ULK4: variants seen among roughly 807,000 people sequenced by gnomAD.
The protein encoded by ULK4 is inactive serine/threonine-protein kinase ULK4.
A neutral mutation model predicts 160.6 loss-of-function variants in ULK4; 133 were observed. That is an observed-to-expected ratio of 0.83 (90% CI 0.72 to 0.96). The LOEUF is 0.96. ULK4 is among the 40% of genes least tolerant of loss of function. ULK4 has a pLI of 0.00. For missense variants in ULK4, 1,580 were observed against 1,499.5 expected, an observed-to-expected ratio of 1.05 and a Z score of -0.89; for synonymous variants, 534 against 539.8, an observed-to-expected ratio of 0.99 and a Z score of 0.15.
intron 35 of ULK4, among the ~76,000 whole-genome samples, chr3:41,330,999 C>T (rs2080430839): frequency 6.6e-6 from 1 of 152,184 alleles, no homozygotes; most frequent in African/African-American, 2.4e-5. Flanking sequence ...AACACATACA[C>T]ACCTCCTGAA....
chr3:41,497,655 G>A (rs189111113), intron 32 of ULK4, among the ~76,000 whole-genome samples: 4 of 152,030 alleles, frequency 2.6e-5, no homozygotes, highest in African/African-American at 9.7e-5. Context: ...ATTCCATATT[G>A]ATGATATAAG....
chr3:41,312,616 G>A (rs563062581), intron 35 of ULK4, among the ~76,000 whole-genome samples: 9 of 151,938 alleles, frequency 5.9e-5, no homozygotes, highest in Admixed American at 2.0e-4. Context: ...GCAACACAGG[G>A]AGACCTCATC....
At chr3:41,951,398 GAAAAA>G (rs77303040) in intron 2 of ULK4, among the ~76,000 whole-genome samples, 1,317 of 91,748 alleles carry the variant, frequency 0.014, 22 homozygotes, top group African/African-American at 0.051. Context: ...AATCTTAAAA[GAAAAA>G]AAAAAAAAAG....
chr3:41,787,494 C>G (rs1201952754), intron 21 of ULK4, among the ~76,000 whole-genome samples: 1 of 152,132 alleles, frequency 6.6e-6, no homozygotes, highest in Non-Finnish European at 1.5e-5. Context: ...CCATCCCAAC[C>G]CAGCAACATC....
chr3:41,943,877 C>T (rs142364697), intron 2 of ULK4, among the ~76,000 whole-genome samples: 42 of 152,270 alleles, frequency 2.8e-4, no homozygotes, highest in African/African-American at 1.0e-3. Context: ...GCTAATAGAC[C>T]ATTTCCATCA....
chr3:41,363,271 C>G (rs1005236116), intron 35 of ULK4, among the ~76,000 whole-genome samples: 2 of 152,232 alleles, frequency 1.3e-5, no homozygotes, highest in Non-Finnish European at 2.9e-5. Flanking sequence ...AGGGAAGGGA[C>G]AGGGAAGGGT....
intron 31 of ULK4, among the ~76,000 whole-genome samples, chr3:41,587,462 A>G (rs2030910127): frequency 6.6e-6 from 1 of 152,180 alleles, no homozygotes; most frequent in Non-Finnish European, 1.5e-5. Context: ...GACATATTAG[A>G]ATTCTGACTG....
intron 31 of ULK4, among the ~76,000 whole-genome samples, chr3:41,596,922 G>C (rs534386441): frequency 4.6e-5 from 7 of 152,268 alleles, no homozygotes; most frequent in African/African-American, 1.7e-4. Flanking sequence ...CCAGATAACT[G>C]TTTTGGGGGT....
intron 31 of ULK4, among the ~76,000 whole-genome samples, chr3:41,584,128 T>C (rs1273648108): frequency 6.6e-6 from 1 of 152,118 alleles, no homozygotes. Context: ...TTATAAAGAA[T>C]GGTATCAGTG....
intron 32 of ULK4, among the ~76,000 whole-genome samples, chr3:41,530,117 T>G (rs555477720): frequency 6.6e-6 from 1 of 152,252 alleles, no homozygotes; most frequent in South Asian, 2.1e-4. Context: ...AATGATGGAT[T>G]TTACGATATG....
At chr3:41,602,064 T>TG (rs757302652) in intron 31 of ULK4, among the ~76,000 whole-genome samples, 4 of 152,038 alleles carry the variant, frequency 2.6e-5, no homozygotes, top group East Asian at 1.9e-4. Flanking sequence ...GGCATGGTGG[T>TG]GTGTGCCTAT....
intron 1 of ULK4, 95 bp downstream of exon 1, chr3:41,961,917 ACCAC>A (rs1450094979): frequency 6.6e-6 from 1 of 151,834 alleles, no homozygotes; most frequent in African/African-American, 2.4e-5. Flanking sequence ...GCCAGGCGCC[ACCAC>A]CCACCCGCCC....
chr3:41,935,840 A>G lies in ULK4; in HGVS notation c.339T>C (p.His113=). The part of the protein sequence containing the change: ...IDLISGLHHL[H]KLGILFCDIS... ...TGTCACAAAAGAGAATGCCAAGTTT[A>G]TGAAGATGATGTAATCCACTAATCA... The change falls in exon 4 of 37, where the codon CAT becomes CAC. Residue 113 remains histidine (H), a synonymous_variant. Transcript: ENST00000301831. The G allele has an allele frequency of 6.2e-7, 1 of 1,613,234 alleles. No individual in the cohort carries two copies. Among genetic ancestry groups the G allele is most frequent in the Non-Finnish European group, 8.5e-7 (1 of 1,179,764 alleles).
chr3:41,942,677 C>T lies in ULK4; in HGVS notation c.139-4480G>A, dbSNP rs372941182. ...TACTAAAACTACAAAATTAGCTGGG[C>T]ATGGAGGCGCATGCCTGTAACCCCA... On this transcript the variant is annotated intron_variant, in intron 2 of 36. Coordinates refer to ENST00000301831, the MANE Select transcript of ULK4 (RefSeq NM_017886.4). 1.1e-4 allele frequency among the ~76,000 whole-genome samples: 16 copies of T among 152,002 alleles called. No individual in the cohort carries two copies. The East Asian group carries it at 1.9e-3, about 19-fold the overall frequency.
intron 35 of ULK4, among the ~76,000 whole-genome samples, chr3:41,272,343 G>GTTTTTTTTTTT (rs3038324): frequency 2.1e-5 from 2 of 95,476 alleles, no homozygotes; most frequent in Non-Finnish European, 4.1e-5. Flanking sequence ...AATTTTGAAA[G>GTTTTTTTTTTT]TTTTTTTTTT....
At chr3:41,420,475 C>CTTTTTTTTGTTTTTT (rs2082636658) in intron 34 of ULK4, among the ~76,000 whole-genome samples, 1 of 41,178 alleles carries the variant, frequency 2.4e-5, no homozygotes, top group Non-Finnish European at 4.1e-5. Context: ...CCAGTTCTTT[C>CTTTTTTTTGTTTTTT]TTTTTTTTTT....
rs531509673 is a variant in ULK4, at chr3:41,773,560, T to G, written c.2193+16101A>C. The stretch of plus-strand genomic sequence containing the variant: ...AGGAGAACTACAAACCACTGCTCAA[T>G]GAAATTAAAGAGGATACAAACAAAT... On this transcript the variant is annotated intron_variant, in intron 21 of 36. Coordinates refer to ENST00000301831, the MANE Select transcript of ULK4 (RefSeq NM_017886.4). Among the ~76,000 whole-genome samples the G allele has an allele frequency of 1.2e-4, 18 of 152,088 alleles. No individual in the cohort carries two copies. The East Asian group carries it at 1.5e-3, about 13-fold the overall frequency.
intron 32 of ULK4, among the ~76,000 whole-genome samples, chr3:41,501,480 A>T (rs754650891): frequency 2.0e-5 from 3 of 152,222 alleles, no homozygotes; most frequent in African/African-American, 7.2e-5. Flanking sequence ...CCTGGGTGAC[A>T]GAGCAAGACT....
intron 30 of ULK4, among the ~76,000 whole-genome samples, chr3:41,641,832 T>G (rs1241570638): frequency 7.0e-6 from 1 of 142,288 alleles, no homozygotes; most frequent in Non-Finnish European, 1.5e-5. Flanking sequence ...AAAATGCAAG[T>G]AAAAAAAAAA....
Sources: allele counts gnomAD v4.1 joint callset (sites outside exome capture counted in the v4.1 genomes callset), GRCh38; gene constraint gnomAD v4.1.1; transcripts MANE v1.5; gene names NCBI Gene and HGNC (gene_info 2026-07-23, HGNC 2026-07-21).